Variants in EXOC2 observed in about 807,000 individuals in gnomAD.
The protein encoded by EXOC2 is SEC5-like 1.
Under a neutral mutation model 131.8 loss-of-function variants are expected in EXOC2, and 70 were observed. That is an observed-to-expected ratio of 0.53 (90% CI 0.44 to 0.65). The LOEUF is 0.65. Ranked by LOEUF, EXOC2 falls within the 30% of genes least tolerant of loss-of-function variation. The pLI is 0.00. For synonymous variants in EXOC2, 411 were observed against 398.4 expected (o/e 1.03, Z -0.38); for missense variants, 923 against 1,108.6 (o/e 0.83, Z 2.38).
At chr6:687,359 T>C (rs9502435) in intron 1 of EXOC2, among the ~76,000 whole-genome samples, 21,633 of 151,676 alleles carry the variant, frequency 0.14, 1,708 homozygotes, top group African/African-American at 0.2. Context: ...TTTTTTCTAA[T>C]TTTTGTAGAA....
intron 25 of EXOC2, 77 bp from the exon 26 acceptor site, chr6:491,263 T>C: frequency 6.9e-7 from 1 of 1,452,800 alleles, no homozygotes; most frequent in Non-Finnish European, 9.7e-7. Context: ...AGGTTAAGGG[T>C]CTCCAGCCTG....
chr6:544,628 A>T (rs1756735752), intron 22 of EXOC2, among the ~76,000 whole-genome samples: 1 of 152,234 alleles, frequency 6.6e-6, no homozygotes, highest in Non-Finnish European at 1.5e-5. Context: ...ACAAAACTGT[A>T]CTCACTCACA....
intron 9 of EXOC2, 81 bp from the exon 10 acceptor site, chr6:598,204 T>G: frequency 8.7e-7 from 1 of 1,143,554 alleles, no homozygotes; most frequent in South Asian, 1.4e-5. Context: ...TAGTAGTTGC[T>G]TTTGTGGGGT....
chr6:556,727 G>A (rs994567098), intron 17 of EXOC2, among the ~76,000 whole-genome samples, 163 bp from the exon 18 acceptor site: 2 of 152,126 alleles, frequency 1.3e-5, no homozygotes, highest in Non-Finnish European at 2.9e-5. Flanking sequence ...AGTTTCAGAG[G>A]TTTGGCATAT....
In EXOC2 at chr6:562,860, G is replaced by A; in HGVS notation, c.1790-15C>T. ...TCTCTTTATTTCTATATGAGAAGAA[G>A]CACACAAATACTTTATTATAATTAT... On this transcript the variant is annotated splice_polypyrimidine_tract_variant and intron_variant, in intron 16 of 27. Coordinates refer to ENST00000230449, the MANE Select transcript of EXOC2 (RefSeq NM_018303.6). 6.4e-7 allele frequency: 1 copy of A among 1,554,316 alleles called. No homozygotes were observed. Among genetic ancestry groups the A allele is most frequent in the Non-Finnish European group, 8.7e-7 (1 of 1,146,240 alleles).
chr6:562,803 T>C lies in EXOC2; in HGVS notation c.1832A>G (p.Asn611Ser), dbSNP rs775909803. The C allele has an allele frequency of 5.0e-6, 8 of 1,600,138 alleles. No individual in the cohort carries two copies. Among genetic ancestry groups the C allele is most frequent in the Non-Finnish European group, 6.8e-6 (8 of 1,174,766 alleles). ...ACTTACTAGAGAAGTCAGTCCTTCATTGTCAACAATCCAGTCTTCTTTTTC... is the reference window on the plus strand; with the variant it reads ...ACTTACTAGAGAAGTCAGTCCTTCACTGTCAACAATCCAGTCTTCTTTTTC... Reference protein sequence around the residue: ...LAEKEDWIVDNEGLTSLPCQF... With the variant: ...LAEKEDWIVDSEGLTSLPCQF... The change falls in exon 17 of 28, where the codon AAT (asparagine) becomes AGT (serine). Residue 611 changes from asparagine to serine, a missense_variant. By Grantham distance (46) the Asn-to-Ser change is conservative (BLOSUM62 1). Coordinates refer to ENST00000230449, the MANE Select transcript of EXOC2 (RefSeq NM_018303.6).
chr6:537,202 G>GGAAAACTACTC (rs1561830008), intron 22 of EXOC2, among the ~76,000 whole-genome samples: 8 of 149,284 alleles, frequency 5.4e-5, no homozygotes, highest in African/African-American at 1.5e-4. Context: ...GCGTACACTC[G>GGAAAACTACTC]AGATGACGAC....
intron 5 of EXOC2, 104 bp downstream of exon 5, chr6:619,326 T>C (rs1023437653): frequency 3.5e-6 from 3 of 851,910 alleles, no homozygotes; most frequent in East Asian, 4.9e-5. Flanking sequence ...CCTAAAACCA[T>C]GTAACTGTAT....
intron 25 of EXOC2, among the ~76,000 whole-genome samples, chr6:494,528 A>G (rs568442944): frequency 9.4e-4 from 143 of 152,140 alleles, no homozygotes; most frequent in African/African-American, 3.3e-3. Context: ...ACTGATGTAT[A>G]CACCTGTGAT....
At chr6:645,563 T>G (rs1484443240) in intron 1 of EXOC2, among the ~76,000 whole-genome samples, 1 of 149,186 alleles carries the variant, frequency 6.7e-6, no homozygotes, top group East Asian at 2.0e-4. Context: ...TAAAGAACTT[T>G]TGCAATCTGA....
chr6:493,530 G>T (rs1424401340), intron 25 of EXOC2, among the ~76,000 whole-genome samples: 1 of 152,132 alleles, frequency 6.6e-6, no homozygotes, highest in African/African-American at 2.4e-5. Context: ...AAAAACTGTG[G>T]TTAGCTATAT....
intron 23 of EXOC2, among the ~76,000 whole-genome samples, chr6:528,212 G>A (rs1014888178): frequency 2.0e-5 from 3 of 151,834 alleles, no homozygotes; most frequent in Non-Finnish European, 4.4e-5. Flanking sequence ...TAATCAACTG[G>A]ATTTTTTTTT....
At chr6:580,244 G>T (rs1326786899) in intron 11 of EXOC2, among the ~76,000 whole-genome samples, 1 of 152,118 alleles carries the variant, frequency 6.6e-6, no homozygotes, top group East Asian at 1.9e-4. Context: ...GTTTCACTAT[G>T]TTGGCCAGGC....
chr6:563,968 TGAA>T, intron 16 of EXOC2, 62 bp downstream of exon 16: 10 of 1,578,088 alleles, frequency 6.3e-6, no homozygotes, highest in Non-Finnish European at 8.6e-6. Flanking sequence ...ATTTGGACAC[TGAA>T]AGGAGGTGGC....
intron 7 of EXOC2, among the ~76,000 whole-genome samples, chr6:600,402 A>C (rs1331868482): frequency 6.6e-6 from 1 of 152,204 alleles, no homozygotes; most frequent in Admixed American, 6.5e-5. Flanking sequence ...TAGGGTTAAA[A>C]CTTTTGGTCA....
rs553078440 is a variant in EXOC2 at position 497,574 on chromosome 6, C to T, written c.2437-85G>A. 3 of 1,471,416 alleles carry T rather than the reference C, an allele frequency of 2.0e-6. 1 individual carries two copies. In the South Asian group the frequency reaches 4.7e-5, roughly 23 times the overall value. The allele number at this position is 1,471,416 out of a possible 1,614,324, so 91.1% of individuals were successfully genotyped here. On this transcript the variant is annotated intron_variant, in intron 24 of 27. Transcript: ENST00000230449. ...GACAAAGTTAACATTCAAAACAAAACAAAAGAAAATCAACAGGACTTCTAA... is the reference window on the plus strand; with the variant it reads ...GACAAAGTTAACATTCAAAACAAAATAAAAGAAAATCAACAGGACTTCTAA...
rs185123608 is a variant in EXOC2, at chr6:563,921, C to T, written c.1789+112G>A. On this transcript the variant is annotated intron_variant, in intron 16 of 27. Coordinates refer to ENST00000230449, the MANE Select transcript of EXOC2 (RefSeq NM_018303.6). ...AGAAATAAGATGAACTAATATATTCCAATTTCCAGAAGAGTAATTTTCCCT... is the reference window on the plus strand; with the variant it reads ...AGAAATAAGATGAACTAATATATTCTAATTTCCAGAAGAGTAATTTTCCCT... 8.6e-5 allele frequency: 123 copies of T among 1,427,690 alleles called. 1 individual carries two copies. In the African/African-American group the frequency reaches 1.4e-3, roughly 17 times the overall value. The allele number at this position is 1,427,690 out of a possible 1,614,324, so 88.4% of individuals were successfully genotyped here. A position where few individuals can be genotyped will look rare whatever the true frequency, so the allele number is the denominator to read the frequency against.
intron 25 of EXOC2, among the ~76,000 whole-genome samples, chr6:493,764 G>A (rs1763567598): frequency 6.6e-6 from 1 of 152,144 alleles, no homozygotes; most frequent in Non-Finnish European, 1.5e-5. Flanking sequence ...TTAGACTCAC[G>A]ACCTTTTTCA....
At chr6:497,732 G>A (rs1763823570) in intron 24 of EXOC2, among the ~76,000 whole-genome samples, 1 of 152,204 alleles carries the variant, frequency 6.6e-6, no homozygotes, top group Admixed American at 6.5e-5. Context: ...AGGCATTACT[G>A]ATGTTGACAA....
Sources: allele counts gnomAD v4.1 joint callset (sites outside exome capture counted in the v4.1 genomes callset), GRCh38; gene constraint gnomAD v4.1.1; transcripts MANE v1.5; gene names NCBI Gene and HGNC (gene_info 2026-07-23, HGNC 2026-07-21).